The following ARHGEF28 variants were observed in gnomAD, a reference collection of about 807,000 sequenced individuals.
The protein encoded by ARHGEF28 is Rho guanine nucleotide exchange factor 28, also known as 190 kDa guanine nucleotide exchange factor.
A neutral mutation model predicts 206.6 loss-of-function variants in ARHGEF28; 152 were observed. The observed-to-expected ratio is 0.74, with a 90% confidence interval of 0.64 to 0.84. The LOEUF (loss-of-function observed/expected upper bound fraction) is 0.84. Ranked by LOEUF, ARHGEF28 falls within the 40% of genes least tolerant of loss-of-function variation. ARHGEF28 has a pLI of 0.00. For synonymous variants in ARHGEF28, 763 were observed against 776.4 expected (o/e 0.98, Z 0.29); for missense variants, 2,028 against 2,073.2 (o/e 0.98, Z 0.42).
At chr5:73,735,570 A>G (rs998444064) in intron 2 of ARHGEF28, among the ~76,000 whole-genome samples, 4 of 152,220 alleles carry the variant, frequency 2.6e-5, no homozygotes, top group African/African-American at 9.6e-5. Context: ...AAAATTCCAG[A>G]GCAGCAGGGT....
At chr5:73,813,090 A>G (rs1486172845) in intron 9 of ARHGEF28, among the ~76,000 whole-genome samples, 3 of 152,112 alleles carry the variant, frequency 2.0e-5, no homozygotes, top group African/African-American at 7.2e-5. Context: ...CTGTCCACAC[A>G]CATAAACCTC....
chr5:73,696,763 T>G (rs1389453005), intron 2 of ARHGEF28, among the ~76,000 whole-genome samples: 1 of 152,254 alleles, frequency 6.6e-6, no homozygotes, highest in Non-Finnish European at 1.5e-5. Flanking sequence ...ATGTATTACA[T>G]AATAAATATT....
intron 1 of ARHGEF28, among the ~76,000 whole-genome samples, chr5:73,648,016 C>T (rs1354094286): frequency 1.3e-5 from 2 of 152,140 alleles, no homozygotes; most frequent in African/African-American, 2.4e-5. Flanking sequence ...TATAAAATTG[C>T]TCAGCTATTT....
intron 9 of ARHGEF28, 62 bp downstream of exon 9, chr5:73,795,453 C>A: frequency 7.3e-7 from 1 of 1,361,586 alleles, no homozygotes; most frequent in Non-Finnish European, 1.0e-6. Context: ...TTAGAGTGGA[C>A]AAGAAGCAAG....
At position 73,776,675 on chromosome 5, in the gene ARHGEF28, G is replaced by C. The variant is rs764214625; in HGVS notation, c.819G>C (p.Trp273Cys). 1.9e-6 allele frequency: 3 copies of C among 1,612,882 alleles called. No individual in the cohort carries two copies. Among genetic ancestry groups the C allele is most frequent in the Non-Finnish European group, 1.7e-6 (2 of 1,179,336 alleles). The change falls in exon 6 of 36, where the codon TGG (tryptophan) becomes TGC (cysteine). Residue 273 changes from tryptophan to cysteine, a missense_variant. Trp to Cys is a radical substitution (Grantham distance 215). Transcript: ENST00000513042. Reference protein sequence around the residue: ...ADIKLFRKYFWDRAFLVKAFE... With the variant: ...ADIKLFRKYFCDRAFLVKAFE... ...TTAAACTCTTCCGGAAATACTTTTG[G>C]GATAGAGCCTTTCTTGTCAAGGTTT...
intron 35 of ARHGEF28, among the ~76,000 whole-genome samples, chr5:73,926,632 GC>G (rs1175160238): frequency 6.6e-6 from 1 of 152,138 alleles, no homozygotes; most frequent in Non-Finnish European, 1.5e-5. Flanking sequence ...TGCAGCCACA[GC>G]CATCTCTTTC....
chr5:73,693,467 C>T (rs1407905809), intron 2 of ARHGEF28, among the ~76,000 whole-genome samples: 3 of 152,182 alleles, frequency 2.0e-5, no homozygotes, highest in African/African-American at 7.2e-5. Context: ...TGGTCATTTG[C>T]TCCATTCAGT....
chr5:73,893,694 T>A (rs1013761), intron 28 of ARHGEF28, among the ~76,000 whole-genome samples: 78,396 of 152,048 alleles, frequency 0.52, 21,018 homozygotes, highest in African/African-American at 0.66. Flanking sequence ...AGTGATTCTC[T>A]ACTCTGGTTG....
chr5:73,680,622 C>T (rs1432068054), intron 1 of ARHGEF28, among the ~76,000 whole-genome samples: 1 of 151,672 alleles, frequency 6.6e-6, no homozygotes, highest in Non-Finnish European at 1.5e-5. Context: ...AAGAACTTAT[C>T]TATGTAACGA....
At chr5:73,855,333 G>A (rs1758951044) in intron 14 of ARHGEF28, among the ~76,000 whole-genome samples, 1 of 152,060 alleles carries the variant, frequency 6.6e-6, no homozygotes, top group Non-Finnish European at 1.5e-5. Flanking sequence ...CTACCAGGTT[G>A]GGTGATGGTT....
chr5:73,766,906 C>T (rs1272323244), intron 4 of ARHGEF28, among the ~76,000 whole-genome samples: 1 of 152,144 alleles, frequency 6.6e-6, no homozygotes, highest in African/African-American at 2.4e-5. Flanking sequence ...GGCTGTGTCC[C>T]CACCCAAATC....
intron 7 of ARHGEF28, among the ~76,000 whole-genome samples, chr5:73,786,151 T>C (rs1357543657): frequency 2.6e-5 from 4 of 151,788 alleles, no homozygotes; most frequent in Non-Finnish European, 5.9e-5. Flanking sequence ...TAGCACCTGC[T>C]ACGTGCCAGG....
At chr5:73,747,414 A>C (rs949542118) in intron 2 of ARHGEF28, among the ~76,000 whole-genome samples, 1 of 152,220 alleles carries the variant, frequency 6.6e-6, no homozygotes, top group Non-Finnish European at 1.5e-5. Flanking sequence ...TGGCTATTTA[A>C]GCTGTACTTG....
intron 4 of ARHGEF28, among the ~76,000 whole-genome samples, chr5:73,768,554 A>G (rs914359641): frequency 6.6e-6 from 1 of 152,060 alleles, no homozygotes; most frequent in African/African-American, 2.4e-5. Flanking sequence ...TGTTTTGGCC[A>G]ATTTTTCCCA....
chr5:73,738,583 G>A (rs750890184), intron 2 of ARHGEF28, among the ~76,000 whole-genome samples: 9 of 151,532 alleles, frequency 5.9e-5, no homozygotes, highest in South Asian at 2.1e-4. Context: ...ATTCTCGCAC[G>A]GATGCTGGCC....
intron 2 of ARHGEF28, among the ~76,000 whole-genome samples, chr5:73,722,743 C>T (rs1580527859): frequency 6.6e-6 from 1 of 152,246 alleles, no homozygotes; most frequent in Non-Finnish European, 1.5e-5. Flanking sequence ...CTTATTCATT[C>T]AGAATTTCAG....
At chr5:73,853,181 G>C (rs2112602549) in intron 14 of ARHGEF28, among the ~76,000 whole-genome samples, 1 of 152,358 alleles carries the variant, frequency 6.6e-6, no homozygotes, top group South Asian at 2.1e-4. Context: ...TCCTGGTTGA[G>C]ATGCAGATTT....
At chr5:73,766,575 G>A (rs1001503038) in intron 4 of ARHGEF28, among the ~76,000 whole-genome samples, 1 of 152,274 alleles carries the variant, frequency 6.6e-6, no homozygotes, top group Non-Finnish European at 1.5e-5. Context: ...CCCAACTCTG[G>A]CTTTGCATTG....
rs923528884 is a variant in ARHGEF28, at chr5:73,631,401, G to C, written c.-12+5079G>C. Among the ~76,000 whole-genome samples the C allele has an allele frequency of 2.8e-4, 42 of 152,254 alleles. No individual in the cohort carries two copies. In the Middle Eastern group the frequency reaches 0.01, roughly 37 times the overall value. ...GTTTGCTGTATGATCAGGTGTTAGA[G>C]TTCTGAAAGGTAGAGGATATTCAGT... On this transcript the variant is annotated intron_variant, in intron 1 of 35. Transcript: ENST00000513042.
Sources: allele counts gnomAD v4.1 joint callset (sites outside exome capture counted in the v4.1 genomes callset), GRCh38; gene constraint gnomAD v4.1.1; transcripts MANE v1.5; gene names NCBI Gene and HGNC (gene_info 2026-07-23, HGNC 2026-07-21).